The following RALGAPA2 variants were observed in gnomAD, a reference collection of about 807,000 sequenced individuals.
RALGAPA2 encodes the protein Ral GTPase activating protein catalytic subunit alpha 2.
In RALGAPA2, 139 loss-of-function variants were observed where a neutral mutation model predicts 230.4. The observed-to-expected ratio is 0.60, with a 90% CI of 0.53 to 0.69. The LOEUF (loss-of-function observed/expected upper bound fraction) is 0.69. Among genes scored for constraint, RALGAPA2 ranks in the 30% least tolerant of loss-of-function variants. RALGAPA2 has a pLI of 0.00. For synonymous variants in RALGAPA2, 847 were observed against 837.8 expected (o/e 1.01, Z -0.19); for missense variants, 2,163 against 2,276.0 (o/e 0.95, Z 1.01).
intron 3 of RALGAPA2, among the ~76,000 whole-genome samples, chr20:20,657,144 A>G (rs1183190599): frequency 6.6e-6 from 1 of 152,252 alleles, no homozygotes; most frequent in Non-Finnish European, 1.5e-5. Flanking sequence ...TGGCCTACTG[A>G]GGACTAACAC....
At chr20:20,525,087 T>C (rs559101845) in intron 28 of RALGAPA2, among the ~76,000 whole-genome samples, 189 bp from the exon 29 acceptor site, 1 of 152,138 alleles carries the variant, frequency 6.6e-6, no homozygotes, top group Non-Finnish European at 1.5e-5. Flanking sequence ...TGGGGCCACA[T>C]CCAGTTTCCA....
intron 39 of RALGAPA2, 55 bp downstream of exon 39, chr20:20,396,640 C>T: frequency 6.6e-7 from 1 of 1,517,246 alleles, no homozygotes; most frequent in Non-Finnish European, 9.0e-7. Flanking sequence ...AGAAAAGTCC[C>T]ACCCCCTCCC....
chr20:20,423,650 T>C (rs183851071), intron 37 of RALGAPA2, among the ~76,000 whole-genome samples: 6 of 152,348 alleles, frequency 3.9e-5, no homozygotes, highest in Non-Finnish European at 8.8e-5. Context: ...CCTAAAGCCA[T>C]ACATCATTTT....
intron 37 of RALGAPA2, among the ~76,000 whole-genome samples, chr20:20,451,329 G>A (rs2123162348): frequency 6.6e-6 from 1 of 152,244 alleles, no homozygotes; most frequent in Middle Eastern, 3.4e-3. Context: ...AAACCAAAAT[G>A]AAACATCAAT....
intron 37 of RALGAPA2, among the ~76,000 whole-genome samples, chr20:20,470,021 T>C (rs2061503886): frequency 6.6e-6 from 1 of 152,154 alleles, no homozygotes; most frequent in Non-Finnish European, 1.5e-5. Flanking sequence ...CTGAGGGTGC[T>C]TTCCAAAGAT....
intron 36 of RALGAPA2, among the ~76,000 whole-genome samples, chr20:20,490,890 A>ACACACACT (rs1223744569): frequency 6.6e-6 from 1 of 151,264 alleles, no homozygotes; most frequent in Non-Finnish European, 1.5e-5. Flanking sequence ...ACACACACAC[A>ACACACACT]CACACTCACA....
intron 36 of RALGAPA2, among the ~76,000 whole-genome samples, chr20:20,481,973 T>C (rs1447893890): frequency 6.6e-6 from 1 of 152,184 alleles, no homozygotes; most frequent in Non-Finnish European, 1.5e-5. Context: ...CAAACAATTT[T>C]GAGATATATG....
chr20:20,459,740 T>A (rs562732280), intron 37 of RALGAPA2, among the ~76,000 whole-genome samples: 1 of 152,342 alleles, frequency 6.6e-6, no homozygotes, highest in East Asian at 1.9e-4. Context: ...AACAAAGTTA[T>A]GACATTTCCC....
At chr20:20,434,643 T>C (rs1359532034) in intron 37 of RALGAPA2, among the ~76,000 whole-genome samples, 1 of 152,144 alleles carries the variant, frequency 6.6e-6, no homozygotes, top group African/African-American at 2.4e-5. Flanking sequence ...TATATTAAAA[T>C]TCCTCTTAGA....
At chr20:20,567,580 A>G (rs1006018278) in intron 23 of RALGAPA2, among the ~76,000 whole-genome samples, 1 of 152,224 alleles carries the variant, frequency 6.6e-6, no homozygotes, top group Non-Finnish European at 1.5e-5. Context: ...GTGAATCAAT[A>G]AAAGAAAACA....
chr20:20,690,085 AG>A (rs1315443720), intron 1 of RALGAPA2, among the ~76,000 whole-genome samples: 59 of 152,308 alleles, frequency 3.9e-4, no homozygotes, highest in African/African-American at 1.4e-3. Flanking sequence ...GTATTCTACA[AG>A]TACACTTGTC....
At chr20:20,426,859 A>G (rs1386143777) in intron 37 of RALGAPA2, among the ~76,000 whole-genome samples, 2 of 152,232 alleles carry the variant, frequency 1.3e-5, no homozygotes, top group African/African-American at 2.4e-5. Context: ...ACATTTAAAT[A>G]AAGATGCCAA....
intron 23 of RALGAPA2, among the ~76,000 whole-genome samples, chr20:20,568,895 C>A (rs1434354768): frequency 1.3e-5 from 2 of 152,180 alleles, no homozygotes; most frequent in Admixed American, 1.3e-4. Context: ...TTTAAAAACA[C>A]AGGACATCTT....
intron 13 of RALGAPA2, among the ~76,000 whole-genome samples, chr20:20,614,502 T>G (rs953879951): frequency 2.0e-5 from 3 of 152,230 alleles, no homozygotes; most frequent in African/African-American, 7.2e-5. Context: ...CTGTCAATAT[T>G]ACTGACGTGG....
chr20:20,493,038 C>T (rs1396186053), intron 36 of RALGAPA2, among the ~76,000 whole-genome samples: 2 of 152,238 alleles, frequency 1.3e-5, no homozygotes, highest in African/African-American at 4.8e-5. Flanking sequence ...TACTTAGATG[C>T]AAACAAAAAG....
At chr20:20,671,907 G>A (rs2068147839) in intron 3 of RALGAPA2, among the ~76,000 whole-genome samples, 1 of 151,972 alleles carries the variant, frequency 6.6e-6, no homozygotes, top group South Asian at 2.1e-4. Flanking sequence ...AACTAACAAG[G>A]GACTAAAAAA....
chr20:20,548,897 T>A (rs1346425748), intron 23 of RALGAPA2, among the ~76,000 whole-genome samples: 1 of 152,220 alleles, frequency 6.6e-6, no homozygotes, highest in African/African-American at 2.4e-5. Context: ...CACATTTCTG[T>A]TGACATATGT....
chr20:20,630,040 G>C (rs2066619233), intron 9 of RALGAPA2, among the ~76,000 whole-genome samples: 1 of 152,338 alleles, frequency 6.6e-6, no homozygotes. Context: ...ATATGACTAA[G>C]CGGCAGCTTG....
chr20:20,582,015 G>C (rs1316834265), intron 20 of RALGAPA2, among the ~76,000 whole-genome samples: 1 of 152,076 alleles, frequency 6.6e-6, no homozygotes, highest in Non-Finnish European at 1.5e-5. Flanking sequence ...TTCCCGCACT[G>C]ATTCCTCAGA....
Sources: gnomAD v4.1 joint callset for allele counts (sites outside exome capture counted in the v4.1 genomes callset) on GRCh38, gnomAD v4.1.1 for gene constraint, MANE v1.5 for transcripts, NCBI Gene and HGNC (gene_info 2026-07-23, HGNC 2026-07-21) for gene names.